The following AMPD3 variants were observed in gnomAD, a reference collection of about 807,000 sequenced individuals.
The protein encoded by AMPD3 is adenosine monophosphate deaminase 3, also known as AMP deaminase 3.
In AMPD3, 57 loss-of-function variants were observed where a neutral mutation model predicts 82.3. The observed-to-expected ratio is 0.69, with a 90% CI of 0.56 to 0.86. The LOEUF (loss-of-function observed/expected upper bound fraction) is 0.86, where lower values mean the gene tolerates loss of function less well. AMPD3 is among the 40% of genes least tolerant of loss of function. The pLI is 0.00. For missense variants in AMPD3, 870 were observed against 1,003.8 expected (o/e 0.87, Z 1.80); for synonymous variants, 381 against 394.7 (o/e 0.97, Z 0.41).
chr11:10,489,198 A>G (rs1849168609), intron 6 of AMPD3, among the ~76,000 whole-genome samples: 1 of 152,152 alleles, frequency 6.6e-6, no homozygotes, highest in Non-Finnish European at 1.5e-5. Flanking sequence ...TGCCTCCATC[A>G]CTGTGTGAAC....
chr11:10,465,972 C>T (rs1413502119), intron 2 of AMPD3, among the ~76,000 whole-genome samples: 1 of 152,162 alleles, frequency 6.6e-6, no homozygotes, highest in Non-Finnish European at 1.5e-5. Context: ...AAACTAAGAT[C>T]CACTGGTGGC....
intron 2 of AMPD3, among the ~76,000 whole-genome samples, chr11:10,469,972 G>A (rs1383164659): frequency 2.0e-5 from 3 of 150,852 alleles, no homozygotes; most frequent in Non-Finnish European, 3.0e-5. Flanking sequence ...CCCGGGAGGC[G>A]GAGCTTGCAG....
Position 10,478,599 on chromosome 11 carries a change from C to A in AMPD3, c.295C>A (p.Pro99Thr). 1 of 1,614,196 alleles carries A rather than the reference C, an allele frequency of 6.2e-7. No individual in the cohort carries two copies. Among genetic ancestry groups the A allele is most frequent in the Non-Finnish European group, 8.5e-7 (1 of 1,180,032 alleles). ...QMPPQQDWKG[P>T]PAASPAMSPT... ...GCCGCCACAGCAAGATTGGAAGGGC[C>A]CCCCGGCAGCCAGTCCGGCCATGTC... is the stretch of plus-strand genomic sequence containing the variant. The change falls in exon 3 of 15, where the codon CCC becomes ACC. Residue 99 changes from proline (P) to threonine (T), a missense_variant. Pro to Thr is a conservative substitution (Grantham distance 38). Coordinates refer to ENST00000396553, the MANE Select transcript of AMPD3 (RefSeq NM_001025389.2).
At chr11:10,486,979 A>G (rs986649357) in intron 5 of AMPD3, 5 of 985,304 alleles carry the variant, frequency 5.1e-6, no homozygotes, top group Non-Finnish European at 6.0e-6. Flanking sequence ...CACATAAACA[A>G]GAAGTCAAAA....
At chr11:10,481,794 G>A (rs977701256) in intron 3 of AMPD3, 8 of 495,368 alleles carry the variant, frequency 1.6e-5, no homozygotes, top group East Asian at 3.9e-5. Flanking sequence ...GGTGCCCAGG[G>A]TTTTCACTGG....
chr11:10,483,146 A>G (rs965476441), intron 4 of AMPD3, among the ~76,000 whole-genome samples: 1 of 152,348 alleles, frequency 6.6e-6, no homozygotes, highest in East Asian at 1.9e-4. Context: ...TGAGTGTTCA[A>G]TAAATGGTAG....
rs1346704294 is a variant in AMPD3, at chr11:10,478,405, G to A, written c.222-121G>A. On this transcript the variant is annotated intron_variant, in intron 2 of 14. Transcript: ENST00000396553. ...AATAATTAGAAACTTCTTAATGGTA[G>A]GGCCAGCACCAGTGATTAATCATAG... 6 of 1,575,514 alleles carry A rather than the reference G, an allele frequency of 3.8e-6. No individual in the cohort carries two copies. The South Asian group carries it at 5.6e-5, about 15-fold the overall frequency.
intron 2 of AMPD3, chr11:10,477,990 T>C: frequency 1.0e-6 from 1 of 985,472 alleles, no homozygotes; most frequent in East Asian, 1.1e-4. Context: ...ATTGGATTCA[T>C]TGAGCATCCC....
intron 3 of AMPD3, among the ~76,000 whole-genome samples, chr11:10,479,294 A>AT (rs1231765864): frequency 1.3e-5 from 2 of 152,196 alleles, no homozygotes; most frequent in East Asian, 3.9e-4. Flanking sequence ...TGGATGATGC[A>AT]TTTTTTATGC....
intron 2 of AMPD3, among the ~76,000 whole-genome samples, chr11:10,474,318 G>T (rs1471190505): frequency 6.6e-6 from 1 of 152,192 alleles, no homozygotes; most frequent in Admixed American, 6.5e-5. Flanking sequence ...TGGCTCCAGT[G>T]CCCCTCCCTG....
chr11:10,495,633 G>A lies in AMPD3; in HGVS notation c.1330G>A (p.Gly444Ser), dbSNP rs756895453. 18 of 1,613,836 alleles carry A rather than the reference G, an allele frequency of 1.1e-5. No individual in the cohort carries two copies. Among genetic ancestry groups the A allele is most frequent in the African/African-American group, 4.0e-5 (3 of 74,914 alleles). The change falls in exon 9 of 15, where the codon GGC becomes AGC. Residue 444 changes from glycine (G) to serine (S), a missense_variant. Physicochemically the swap from Gly to Ser is moderately conservative, Grantham distance 56. Transcript: ENST00000396553. ...CTCAGAGCCACGGCTCTCCATCTAC[G>A]GCCGCAGTCCTGAGGAGTGGCCCAA... The part of the protein sequence containing the change: ...QYSEPRLSIY[G>S]RSPEEWPNLA...
upstream of AMPD3, among the ~76,000 whole-genome samples, chr11:10,453,024 A>C (rs1847998961): frequency 6.6e-6 from 1 of 152,152 alleles, no homozygotes; most frequent in Non-Finnish European, 1.5e-5. Flanking sequence ...ATCTCAGCTC[A>C]CTGCAACCTC....
At chr11:10,459,567 T>A (rs1848197897) in intron 1 of AMPD3, among the ~76,000 whole-genome samples, 1 of 152,156 alleles carries the variant, frequency 6.6e-6, no homozygotes, top group African/African-American at 2.4e-5. Flanking sequence ...TCATCTCCAT[T>A]CTTGTCTGTC....
chr11:10,482,359 A>G (rs1030138288), intron 4 of AMPD3, 134 bp downstream of exon 4: 1 of 1,042,884 alleles, frequency 9.6e-7, no homozygotes, highest in South Asian at 1.6e-5. Flanking sequence ...CTTCTCCCAC[A>G]CTGATGTTTG....
At position 10,482,193 on chromosome 11, in the gene AMPD3, C is replaced by A. The variant is rs202051288; in HGVS notation, c.557C>A (p.Ala186Glu). The A allele has an allele frequency of 3.7e-6, 6 of 1,613,180 alleles. No individual in the cohort carries two copies. In the East Asian group the frequency reaches 1.3e-4, roughly 36 times the overall value. ...ITSQYLGHPR[A>E]DTAPPEEGLP... ...TCCCAGTACCTGGGTCATCCGCGGG[C>A]GGATACTGCACCTCCGGAAGAGGGC... The change falls in exon 4 of 15, where the codon GCG becomes GAG. Residue 186 changes from alanine (A) to glutamate (E), a missense_variant. By Grantham distance (107) the Ala-to-Glu change is moderately radical. Coordinates refer to ENST00000396553, the MANE Select transcript of AMPD3 (RefSeq NM_001025389.2).
At chr11:10,490,742 G>T in intron 6 of AMPD3, 3 of 794,368 alleles carry the variant, frequency 3.8e-6, no homozygotes, top group Non-Finnish European at 4.6e-6. Flanking sequence ...CAGAGGACAG[G>T]ACCAGAAAGC....
At chr11:10,461,275 C>T (rs1848261820) in intron 1 of AMPD3, 1 of 1,472,570 alleles carries the variant, frequency 6.8e-7, no homozygotes, top group Non-Finnish European at 9.0e-7. Context: ...TTGAACAGTT[C>T]ATTCTTTGAA....
At chr11:10,486,665 GT>G (rs1564849885) in intron 5 of AMPD3, 2 of 985,308 alleles carry the variant, frequency 2.0e-6, no homozygotes, top group Admixed American at 1.2e-4. Context: ...TCCTTGGGCC[GT>G]GGCCATTAGG....
rs141182815 is a variant in AMPD3, at chr11:10,456,785, A to C, written c.-6+1337A>C. On this transcript the variant is annotated intron_variant, in intron 1 of 14. Transcript: ENST00000396553. This position sits in a 1 kb window ranked among gnomAD's most constrained non-coding sequence, Gnocchi z 4.3. ...CTTTCCTTGTCAGGCCTGGCCTGGC[A>C]GGTGTCTGGAGGGTCTGAGAGGAGA... 2.4e-3 allele frequency among the ~76,000 whole-genome samples: 369 copies of C among 152,248 alleles called. No individual in the cohort carries two copies. The highest frequency in any genetic ancestry group is 8.7e-3 in the African/African-American group (360 of 41,544).
Sources: gnomAD v4.1 joint callset for allele counts (sites outside exome capture counted in the v4.1 genomes callset) on GRCh38, gnomAD v4.1.1 for gene constraint, Gnocchi (gnomAD v3.1) non-coding constraint, MANE v1.5 for transcripts, NCBI Gene and HGNC (gene_info 2026-07-23, HGNC 2026-07-21) for gene names.